The following IKZF2 variants were observed in gnomAD, a reference collection of about 807,000 sequenced individuals.
IKZF2 encodes the protein zinc finger protein Helios.
Under a neutral mutation model 49.2 loss-of-function variants are expected in IKZF2, and 15 were observed. The ratio of observed to expected loss-of-function variants is 0.30; its 90% CI spans 0.20 to 0.47. The LOEUF is 0.47. IKZF2 is among the 20% of genes least tolerant of loss of function. The probability of loss-of-function intolerance (pLI) is 1.00; values close to 1 mark genes in which losing one functional copy is unlikely to be tolerated. For synonymous variants in IKZF2, 227 were observed against 221.4 expected (o/e 1.03, Z -0.23); for missense variants, 567 against 664.6 (o/e 0.85, Z 1.61).
intron 6 of IKZF2, among the ~76,000 whole-genome samples, chr2:213,039,645 A>T (rs1400789598): frequency 6.6e-6 from 1 of 152,104 alleles, no homozygotes; most frequent in Non-Finnish European, 1.5e-5. Flanking sequence ...TTGACATTGT[A>T]AGGTTCCTCA....
chr2:213,107,750 T>C lies in IKZF2; in HGVS notation c.139+39958A>G, dbSNP rs150996742. 3.1e-3 allele frequency among the ~76,000 whole-genome samples: 477 copies of C among 152,320 alleles called. 3 individuals carry two copies. The highest frequency in any genetic ancestry group is 0.011 in the African/African-American group (442 of 41,586). On this transcript the variant is annotated intron_variant, in intron 4 of 8. Coordinates refer to ENST00000434687, the MANE Select transcript of IKZF2 (RefSeq NM_001387220.1). ...CACACATACATACTTCTAAACTCTT[T>C]GGCGAGATCACAAAGATCTTAGGCC...
At chr2:213,101,690 A>G (rs1306983558) in intron 4 of IKZF2, among the ~76,000 whole-genome samples, 1 of 152,174 alleles carries the variant, frequency 6.6e-6, no homozygotes, top group Non-Finnish European at 1.5e-5. Context: ...TCAGCTATCA[A>G]ATGAATAATC....
chr2:213,107,832 TG>T (rs1432407368), intron 4 of IKZF2, among the ~76,000 whole-genome samples: 9 of 152,252 alleles, frequency 5.9e-5, no homozygotes, highest in African/African-American at 2.2e-4. Context: ...CAGAACACAA[TG>T]CATGCTGAAT....
intron 4 of IKZF2, among the ~76,000 whole-genome samples, chr2:213,103,230 T>C (rs1413513104): frequency 6.6e-6 from 1 of 152,140 alleles, no homozygotes; most frequent in Non-Finnish European, 1.5e-5. Context: ...TAAACAATGA[T>C]AAATTGTGAT....
At chr2:213,077,710 C>G (rs998079625) in intron 4 of IKZF2, among the ~76,000 whole-genome samples, 1 of 151,326 alleles carries the variant, frequency 6.6e-6, no homozygotes, top group Non-Finnish European at 1.5e-5. Flanking sequence ...GCCCCAGCCT[C>G]CCAAGTAGCT....
chr2:213,105,593 G>A (rs796285550), intron 4 of IKZF2, among the ~76,000 whole-genome samples: 6 of 150,120 alleles, frequency 4.0e-5, no homozygotes, highest in African/African-American at 1.2e-4. Flanking sequence ...GGGGGGAAGG[G>A]GGGGGTGGTA....
At chr2:213,122,772 G>C (rs1286838278) in intron 4 of IKZF2, among the ~76,000 whole-genome samples, 3 of 152,132 alleles carry the variant, frequency 2.0e-5, no homozygotes, top group Non-Finnish European at 4.4e-5. Context: ...ACAAAATCTA[G>C]CCTAGATAAT....
At chr2:213,060,937 A>C (rs1327722327) in intron 4 of IKZF2, among the ~76,000 whole-genome samples, 1 of 151,608 alleles carries the variant, frequency 6.6e-6, no homozygotes, top group Non-Finnish European at 1.5e-5. Context: ...TTTCATGATA[A>C]AAAGTGCCAC....
chr2:213,091,935 C>T (rs1658873430), intron 4 of IKZF2, among the ~76,000 whole-genome samples: 1 of 150,124 alleles, frequency 6.7e-6, no homozygotes, highest in Non-Finnish European at 1.5e-5. Context: ...TGTACTCATA[C>T]TATTTTTATT....
intron 4 of IKZF2, among the ~76,000 whole-genome samples, chr2:213,129,654 T>A (rs189018770): frequency 1.3e-5 from 2 of 152,234 alleles, no homozygotes; most frequent in East Asian, 1.9e-4. Flanking sequence ...CAATGAATTG[T>A]TATGATCTGA....
intron 4 of IKZF2, among the ~76,000 whole-genome samples, chr2:213,118,730 GAA>G (rs140890814): frequency 0.07 from 10,657 of 152,100 alleles, 644 homozygotes; most frequent in South Asian, 0.3. Flanking sequence ...TTGTGCTTGT[GAA>G]AAAAGAGTCT....
chr2:213,130,191 C>T (rs973316344), intron 4 of IKZF2, among the ~76,000 whole-genome samples: 1 of 152,124 alleles, frequency 6.6e-6, no homozygotes, highest in Admixed American at 6.5e-5. Flanking sequence ...GGATCATTTC[C>T]TTTATCCCAA....
chr2:213,005,998 A>G lies in IKZF2; in HGVS notation c.*1362T>C, dbSNP rs1695312697. The G allele has an allele frequency of 6.6e-6, 1 of 152,092 alleles. No homozygotes were observed. The highest frequency in any genetic ancestry group is 2.4e-5 in the African/African-American group (1 of 41,440). 9.4% of individuals were successfully genotyped at this position (152,092 alleles called of 1,614,324 possible). ...CACATTCTAGACTCCAAGAAGGGTA[A>G]AAGTAAACTTTCTTATTTTTTTGTT... is the stretch of plus-strand genomic sequence containing the variant. On this transcript the variant is annotated 3_prime_UTR_variant, in exon 9 of 9. Coordinates refer to ENST00000434687, the MANE Select transcript of IKZF2 (RefSeq NM_001387220.1).
chr2:213,147,853 T>C lies in IKZF2; in HGVS notation c.35-41A>G, dbSNP rs201477795. 3 of 1,450,804 alleles carry C rather than the reference T, an allele frequency of 2.1e-6. No homozygotes were observed. The Admixed American group carries it at 5.0e-5, about 24-fold the overall frequency. The allele number at this position is 1,450,804 out of a possible 1,614,324, so 89.9% of individuals were successfully genotyped here. On this transcript the variant is annotated intron_variant, in intron 3 of 8. Transcript: ENST00000434687. Reference sequence around the variant, plus strand: ...ATAATCTTTTGGTTTCTATTCATTGTCACATAAGATGTAATTACTAACTTT... The same window carrying C: ...ATAATCTTTTGGTTTCTATTCATTGCCACATAAGATGTAATTACTAACTTT...
chr2:213,031,700 C>T (rs146557443), intron 6 of IKZF2, among the ~76,000 whole-genome samples: 3 of 152,182 alleles, frequency 2.0e-5, no homozygotes, highest in African/African-American at 7.2e-5. Context: ...GTTATGCTTC[C>T]CCAGCATTTC....
At chr2:213,050,825 C>T (rs967293050) in intron 5 of IKZF2, among the ~76,000 whole-genome samples, 2 of 151,916 alleles carry the variant, frequency 1.3e-5, no homozygotes, top group African/African-American at 4.8e-5. Context: ...ATAGCCTTAT[C>T]AAACCATAAA....
intron 5 of IKZF2, among the ~76,000 whole-genome samples, chr2:213,050,930 C>A (rs1333133375): frequency 2.0e-5 from 3 of 151,912 alleles, no homozygotes. Flanking sequence ...ATGTATCATA[C>A]TAAAGCTCTA....
chr2:213,012,549 A>G (rs1408074921), intron 8 of IKZF2, among the ~76,000 whole-genome samples: 1 of 151,978 alleles, frequency 6.6e-6, no homozygotes, highest in Admixed American at 6.6e-5. Context: ...AAAAGTTACC[A>G]AAGGCCTGAG....
intron 7 of IKZF2, among the ~76,000 whole-genome samples, chr2:213,017,883 T>C (rs1013336300): frequency 6.6e-6 from 1 of 152,112 alleles, no homozygotes; most frequent in African/African-American, 2.4e-5. Context: ...TATTTGTGTC[T>C]CTAATACCTT....
Sources: allele counts gnomAD v4.1 joint callset (sites outside exome capture counted in the v4.1 genomes callset), GRCh38; gene constraint gnomAD v4.1.1; transcripts MANE v1.5; gene names NCBI Gene and HGNC (gene_info 2026-07-23, HGNC 2026-07-21).